Variants in CCDC38 observed in about 807,000 individuals in gnomAD.
CCDC38 encodes coiled-coil domain containing 38, also known as coiled-coil domain-containing protein 38.
A neutral mutation model predicts 72.8 loss-of-function variants in CCDC38; 69 were observed. The observed-to-expected ratio is 0.95, with a 90% CI of 0.78 to 1.16. The LOEUF (loss-of-function observed/expected upper bound fraction) is 1.16, where lower values mean the gene tolerates loss of function less well. Among genes scored for constraint, CCDC38 ranks in the 50% most tolerant of loss-of-function variants. The pLI, the probability that CCDC38 is intolerant of heterozygous loss-of-function variation, is 0.00. For missense variants in CCDC38, 626 were observed against 638.9 expected (o/e 0.98, Z 0.22); for synonymous variants, 201 against 213.2 (o/e 0.94, Z 0.50).
chr12:95,902,922 G>A (rs985480549), intron 5 of CCDC38, among the ~76,000 whole-genome samples: 2 of 151,974 alleles, frequency 1.3e-5, no homozygotes, highest in Non-Finnish European at 2.9e-5. Flanking sequence ...CAAGAAAGAC[G>A]CCTGGGATTT....
chr12:95,899,845 A>G (rs185719483), intron 5 of CCDC38, among the ~76,000 whole-genome samples: 12 of 152,322 alleles, frequency 7.9e-5, no homozygotes, highest in Admixed American at 2.0e-4. Context: ...CCAAAGAAAC[A>G]TAAATGCTTG....
At chr12:95,894,870 G>A in intron 8 of CCDC38, 119 bp downstream of exon 8, 1 of 824,054 alleles carries the variant, frequency 1.2e-6, no homozygotes, top group Non-Finnish European at 1.9e-6. Flanking sequence ...AACAGAGATA[G>A]TGAAAATCTT....
At chr12:95,941,581 T>A (rs1238188068) in intron 1 of CCDC38, among the ~76,000 whole-genome samples, 2 of 152,208 alleles carry the variant, frequency 1.3e-5, no homozygotes, top group Non-Finnish European at 2.9e-5. Context: ...TTTTAACCCA[T>A]CCTTTATACA....
intron 11 of CCDC38, among the ~76,000 whole-genome samples, chr12:95,881,082 G>C (rs2079694953): frequency 6.6e-6 from 1 of 151,972 alleles, no homozygotes; most frequent in Non-Finnish European, 1.5e-5. Flanking sequence ...TTGCATTTCG[G>C]GTGGGGTTAG....
intron 7 of CCDC38, among the ~76,000 whole-genome samples, chr12:95,897,802 C>A (rs887793938): frequency 2.6e-5 from 4 of 151,924 alleles, no homozygotes; most frequent in Non-Finnish European, 4.4e-5. Flanking sequence ...CACTGTGTTG[C>A]TAAGACTTCA....
At position 95,938,536 on chromosome 12, in the gene CCDC38, A is replaced by C. The variant is rs1030871113; in HGVS notation, c.-14-2013T>G. ...GAAAAACTGGAAGTTCTGTTCCTTT[A>C]AACCAATTGCTAAGAGCAGATATCT... On this transcript the variant is annotated intron_variant, in intron 1 of 15. Coordinates refer to ENST00000344280, the MANE Select transcript of CCDC38 (RefSeq NM_182496.3). Among the ~76,000 whole-genome samples, 4 of 152,232 alleles carry C rather than the reference A, an allele frequency of 2.6e-5. No homozygotes were observed. The East Asian group carries it at 7.7e-4, about 29-fold the overall frequency.
chr12:95,869,749 A>G (rs1009636105), intron 14 of CCDC38, 176 bp from the exon 15 acceptor site: 1 of 544,768 alleles, frequency 1.8e-6, no homozygotes, highest in Non-Finnish European at 3.2e-6. Flanking sequence ...AATCTCGACA[A>G]CAAATACTAT....
At chr12:95,933,657 G>T (rs1391891575) in intron 2 of CCDC38, 1 of 152,214 alleles carries the variant, frequency 6.6e-6, no homozygotes, top group African/African-American at 2.4e-5. Flanking sequence ...GCTAACGTCA[G>T]ATTCAGCAAT....
chr12:95,888,432 G>A, intron 10 of CCDC38, 26 bp downstream of exon 10: 1 of 1,605,034 alleles, frequency 6.2e-7, no homozygotes. Context: ...CAGTTTCCAA[G>A]GGAGTTAGTC....
Position 95,869,621 on chromosome 12 carries a change from G to A in CCDC38, c.1485-48C>T, listed in dbSNP as rs1432434939. 10 of 1,360,446 alleles carry A rather than the reference G, an allele frequency of 7.4e-6. No homozygotes were observed. The Admixed American group carries it at 1.7e-4, about 23-fold the overall frequency. The allele number at this position is 1,360,446 out of a possible 1,614,324, so 84.3% of individuals were successfully genotyped here. On this transcript the variant is annotated intron_variant, in intron 14 of 15. Coordinates refer to ENST00000344280, the MANE Select transcript of CCDC38 (RefSeq NM_182496.3). ...TTCTTGTAACTATAAATCACATTGAGTAAGAAAAGTACATTACTATTTGTT... is the reference window on the plus strand; with the variant it reads ...TTCTTGTAACTATAAATCACATTGAATAAGAAAAGTACATTACTATTTGTT...
At chr12:95,891,317 T>C (rs1441521194) in intron 8 of CCDC38, among the ~76,000 whole-genome samples, 1 of 152,160 alleles carries the variant, frequency 6.6e-6, no homozygotes, top group Non-Finnish European at 1.5e-5. Flanking sequence ...ATTCTCTATT[T>C]GGATCATGAA....
intron 5 of CCDC38, chr12:95,903,497 C>T (rs779828714): frequency 2.3e-5 from 16 of 698,936 alleles, no homozygotes; most frequent in Non-Finnish European, 3.4e-5. Flanking sequence ...AGTCTTTTAC[C>T]ATTAGATATG....
chr12:95,876,521 G>A (rs181142398), intron 13 of CCDC38, among the ~76,000 whole-genome samples: 12 of 152,154 alleles, frequency 7.9e-5, no homozygotes, highest in Admixed American at 3.3e-4. Context: ...TGAATGACAC[G>A]CTTAAAATAG....
chr12:95,873,747 C>T (rs1392072304), intron 13 of CCDC38, among the ~76,000 whole-genome samples: 1 of 152,198 alleles, frequency 6.6e-6, no homozygotes, highest in Non-Finnish European at 1.5e-5. Context: ...AGAGGTGGCT[C>T]CTGGAGCCAT....
Position 95,898,681 on chromosome 12 carries a change from T to C in CCDC38, c.420A>G (p.Ile140Met), listed in dbSNP as rs765722391. The change falls in exon 6 of 16, where the codon ATA (isoleucine) becomes ATG (methionine). Residue 140 changes from isoleucine (I) to methionine (M), a missense_variant. Coordinates refer to ENST00000344280, the MANE Select transcript of CCDC38 (RefSeq NM_182496.3). ...RNTIKKFEKDIAMRERQLKKA... is the reference protein window; with the variant it reads ...RNTIKKFEKDMAMRERQLKKA... ...TTTTTAGTTGCCGTTCCCTCATTGC[T>C]ATGTCTTTTTCAAACTTTTTGATTG... 1.2e-6 allele frequency: 2 copies of C among 1,614,154 alleles called. No homozygotes were observed. Among genetic ancestry groups the C allele is most frequent in the Admixed American group, 3.3e-5 (2 of 60,022 alleles).
intron 11 of CCDC38, among the ~76,000 whole-genome samples, chr12:95,880,966 A>G (rs1305110080): frequency 6.6e-6 from 1 of 151,982 alleles, no homozygotes; most frequent in Non-Finnish European, 1.5e-5. Context: ...AAAATGGTAA[A>G]TTTTTTACAT....
intron 10 of CCDC38, 143 bp downstream of exon 10, chr12:95,888,315 G>C (rs1245537381): frequency 7.0e-6 from 5 of 719,018 alleles, no homozygotes; most frequent in Non-Finnish European, 9.8e-6. Context: ...GATCTCAGGA[G>C]TGCACAGAAA....
At chr12:95,908,033 C>T (rs1429636091) in intron 4 of CCDC38, among the ~76,000 whole-genome samples, 9 of 152,072 alleles carry the variant, frequency 5.9e-5, no homozygotes, top group Admixed American at 2.6e-4. Flanking sequence ...ACTTCCCAGA[C>T]GGGGTGGCGG....
chr12:95,935,308 A>T (rs1000106458), intron 2 of CCDC38: 1 of 154,124 alleles, frequency 6.5e-6, no homozygotes, highest in African/African-American at 2.4e-5. Context: ...AGTAGAGGCT[A>T]TGTTTCTCAG....
Sources: gnomAD v4.1 joint callset for allele counts (sites outside exome capture counted in the v4.1 genomes callset) on GRCh38, gnomAD v4.1.1 for gene constraint, MANE v1.5 for transcripts, NCBI Gene and HGNC (gene_info 2026-07-23, HGNC 2026-07-21) for gene names.